The following PAGE2B variants were observed in gnomAD, a reference collection of about 807,000 sequenced individuals.
PAGE2B encodes PAGE family member 2B.
PAGE2B carries 5 observed loss-of-function variants against 7.6 expected under a neutral mutation model. The ratio of observed to expected loss-of-function variants is 0.66; its 90% CI spans 0.34 to 1.38. The LOEUF is 1.38. PAGE2B is among the 40% of genes most tolerant of loss of function. PAGE2B has a pLI of 0.04. For synonymous variants in PAGE2B, 29 were observed against 26.7 expected (o/e 1.09, Z -0.27); for missense variants, 70 against 78.4 (o/e 0.89, Z 0.41).
chrX:55,030,832 C>A, the PAGE2B span: 1 of 188,944 alleles, frequency 5.3e-6, no homozygotes, highest in Non-Finnish European at 1.1e-5. Flanking sequence ...TTCTAAGAAA[C>A]AAACAAAGGA....
chrX:55,068,633 T>C, the PAGE2B span, among the ~76,000 whole-genome samples: 1 of 112,043 alleles, frequency 8.9e-6, no homozygotes, highest in Admixed American at 9.5e-5. Flanking sequence ...TTGGGCAGTA[T>C]GGCCATTTTG....
chrX:55,072,629 G>A (rs1428858225), upstream of PAGE2B, among the ~76,000 whole-genome samples: 3 of 112,413 alleles, frequency 2.7e-5, no homozygotes, highest in Non-Finnish European at 3.8e-5. Flanking sequence ...CTTCAGAGAC[G>A]GCGGGCAGGA....
chrX:55,049,766 T>A, the PAGE2B span, among the ~76,000 whole-genome samples: 5 of 111,672 alleles, frequency 4.5e-5, no homozygotes, highest in Middle Eastern at 4.2e-3. Flanking sequence ...AGCTCCTAGA[T>A]TCATTGATTT....
chrX:55,071,639 A>G (rs1037252716), upstream of PAGE2B, among the ~76,000 whole-genome samples: 13 of 111,760 alleles, frequency 1.2e-4, no homozygotes, highest in Non-Finnish European at 2.1e-4. Flanking sequence ...TATCCTGAAG[A>G]GTGTTTTCCA....
chrX:55,032,219 T>C, the PAGE2B span, among the ~76,000 whole-genome samples: 1 of 111,832 alleles, frequency 8.9e-6, no homozygotes, highest in African/African-American at 3.3e-5. Context: ...ATTTGTCCTA[T>C]ACATGTGTTA....
At chrX:55,069,622 C>A in the PAGE2B span, among the ~76,000 whole-genome samples, 1 of 111,203 alleles carries the variant, frequency 9.0e-6, no homozygotes, top group Admixed American at 9.6e-5. Context: ...GGAATGGTAC[C>A]AGCTCCTCTT....
At chrX:55,033,029 T>A in the PAGE2B span, among the ~76,000 whole-genome samples, 1 of 110,948 alleles carries the variant, frequency 9.0e-6, no homozygotes, top group East Asian at 2.8e-4. Flanking sequence ...CCCCACATCT[T>A]CTCTCTCAGA....
At chrX:55,046,976 G>T in the PAGE2B span, among the ~76,000 whole-genome samples, 3 of 111,555 alleles carry the variant, frequency 2.7e-5, no homozygotes, top group African/African-American at 3.3e-5. Context: ...TGTGCACAAC[G>T]TGCAGGTTTG....
intron 2 of PAGE2B, 143 bp downstream of exon 2, chrX:55,076,268 G>T: frequency 1.4e-6 from 1 of 705,725 alleles, no homozygotes; most frequent in Non-Finnish European, 2.0e-6. Flanking sequence ...GTTGGTTCAG[G>T]AATATTATAT....
chrX:55,030,412 G>GCT, the PAGE2B span, among the ~76,000 whole-genome samples: 1 of 110,811 alleles, frequency 9.0e-6, no homozygotes, highest in Non-Finnish European at 1.9e-5. Context: ...TCCCTCCCTA[G>GCT]CTCTTCCCCC....
At chrX:55,039,484 CTT>C in the PAGE2B span, among the ~76,000 whole-genome samples, 21 of 95,611 alleles carry the variant, frequency 2.2e-4, no homozygotes, top group Admixed American at 4.6e-4. Flanking sequence ...GAAGAAAATT[CTT>C]TTTTTTTTTT....
chrX:55,076,903 A>G (rs1473544277), intron 3 of PAGE2B, among the ~76,000 whole-genome samples: 2 of 111,752 alleles, frequency 1.8e-5, no homozygotes, highest in African/African-American at 6.5e-5. Flanking sequence ...CATGGTTGCC[A>G]TAAACCTTTT....
rs775991302 is a variant in PAGE2B, at chrX:55,075,960, T to G, written c.-8-74T>G. ...AAAATTAAAAAAATACAAATCACCA[T>G]TTTGCCATGGAATGTTCATATATAT... is the stretch of plus-strand genomic sequence containing the variant. On this transcript the variant is annotated intron_variant, in intron 1 of 4. Coordinates refer to ENST00000374971, the MANE Select transcript of PAGE2B (RefSeq NM_001015038.3). The G allele has an allele frequency of 3.1e-6, 3 of 971,776 alleles. No homozygotes were observed. In the East Asian group the frequency reaches 9.6e-5, roughly 31 times the overall value. 80.1% of individuals were successfully genotyped at this position (971,776 alleles called of 1,213,427 possible).
the PAGE2B span, among the ~76,000 whole-genome samples, chrX:55,046,991 A>G: frequency 5.4e-5 from 6 of 111,460 alleles, no homozygotes; most frequent in South Asian, 1.5e-3. Flanking sequence ...GGTTTGTTAC[A>G]TATGTATACA....
the PAGE2B span, among the ~76,000 whole-genome samples, chrX:55,041,316 C>A: frequency 4.5e-5 from 5 of 109,977 alleles, no homozygotes; most frequent in Non-Finnish European, 7.6e-5. Context: ...CTCCTGACCT[C>A]GTGATCCGCC....
chrX:55,048,439 A>AT, the PAGE2B span, among the ~76,000 whole-genome samples: 2 of 111,872 alleles, frequency 1.8e-5, no homozygotes, highest in Admixed American at 1.9e-4. Flanking sequence ...ACCCATGAGC[A>AT]TGGAATGTTC....
the PAGE2B span, among the ~76,000 whole-genome samples, chrX:55,034,626 C>G: frequency 9.2e-6 from 1 of 108,904 alleles, no homozygotes; most frequent in African/African-American, 3.3e-5. Context: ...CATACTCTTC[C>G]TTTTATAAGT....
At chrX:55,067,312 T>C in the PAGE2B span, among the ~76,000 whole-genome samples, 1 of 111,095 alleles carries the variant, frequency 9.0e-6, no homozygotes, top group Admixed American at 9.6e-5. Context: ...AGTGTTTGTT[T>C]GTGTCCTTGT....
chrX:55,028,972 A>G, the PAGE2B span, among the ~76,000 whole-genome samples: 2 of 112,313 alleles, frequency 1.8e-5, no homozygotes, highest in Non-Finnish European at 3.8e-5. Context: ...GTTGGTAATA[A>G]CAAGGACAAT....
Sources: allele counts gnomAD v4.1 joint callset (sites outside exome capture counted in the v4.1 genomes callset), GRCh38; gene constraint gnomAD v4.1.1; transcripts MANE v1.5; gene names NCBI Gene and HGNC (gene_info 2026-07-23, HGNC 2026-07-21).